Variants in TRIP12 observed in about 807,000 individuals in gnomAD.
The protein encoded by TRIP12 is E3 ubiquitin-protein ligase TRIP12.
In TRIP12, 25 loss-of-function variants were observed where a neutral mutation model predicts 244.2. That is an observed-to-expected ratio of 0.10 (90% CI 0.07 to 0.14). TRIP12 has a LOEUF of 0.14. Ranked by LOEUF, TRIP12 falls within the 10% of genes least tolerant of loss-of-function variation. TRIP12 has a pLI of 1.00. For missense variants in TRIP12, 1,677 were observed against 2,486.4 expected (o/e 0.67, Z 6.92); for synonymous variants, 905 against 873.1 (o/e 1.04, Z -0.64).
intron 32 of TRIP12, among the ~76,000 whole-genome samples, 186 bp from the exon 33 acceptor site, chr2:229,787,847 G>A (rs1000317581): frequency 3.3e-5 from 5 of 152,178 alleles, no homozygotes; most frequent in Non-Finnish European, 7.3e-5. Context: ...CTGTCGCCCA[G>A]GCTGGAGTGC....
At chr2:229,855,963 G>C (rs957320616) in intron 4 of TRIP12, among the ~76,000 whole-genome samples, 1 of 151,904 alleles carries the variant, frequency 6.6e-6, no homozygotes, top group African/African-American at 2.4e-5. Context: ...GCCCGAACCT[G>C]GGAGGTAGAG....
chr2:229,874,964 C>T (rs1431088435), intron 2 of TRIP12, among the ~76,000 whole-genome samples: 1 of 152,110 alleles, frequency 6.6e-6, no homozygotes, highest in Admixed American at 6.5e-5. Context: ...TACTGCATTG[C>T]CAAGAGGGAG....
At chr2:229,894,800 T>C (rs2068335123) in intron 1 of TRIP12, among the ~76,000 whole-genome samples, 1 of 152,180 alleles carries the variant, frequency 6.6e-6, no homozygotes, top group African/African-American at 2.4e-5. Context: ...ATGGATCTTG[T>C]TAAAATTCAC....
chr2:229,908,338 T>C (rs996906669), intron 1 of TRIP12, among the ~76,000 whole-genome samples: 5 of 152,226 alleles, frequency 3.3e-5, no homozygotes, highest in African/African-American at 1.2e-4. Flanking sequence ...TATATACAGA[T>C]GCAAATAATG....
At chr2:229,887,467 T>C (rs1241321681) in intron 1 of TRIP12, among the ~76,000 whole-genome samples, 1 of 152,186 alleles carries the variant, frequency 6.6e-6, no homozygotes, top group African/African-American at 2.4e-5. Context: ...CAAAAAGTTT[T>C]ACATTTAAGA....
At chr2:229,789,573 A>G (rs920120387) in intron 31 of TRIP12, 38 bp downstream of exon 31, 13 of 1,596,786 alleles carry the variant, frequency 8.1e-6, no homozygotes, top group Non-Finnish European at 1.1e-5. Flanking sequence ...TATCAATCAC[A>G]GACCATGAAA....
In TRIP12 at chr2:229,810,962, A is replaced by C. The variant is rs1226668790; in HGVS notation, c.2139T>G (p.Ser713=). 2 of 1,614,158 alleles carry C rather than the reference A, an allele frequency of 1.2e-6. No individual in the cohort carries two copies. Among genetic ancestry groups the C allele is most frequent in the Admixed American group, 3.3e-5 (2 of 60,034 alleles). The part of the protein sequence containing the change: ...LLVVTPPILS[S]GMFIMVVRMF... ...TGCGAACCACCATTATAAACATCCC[A>C]GAACTTAAAATGGGTGGAGTCACTA... is the stretch of plus-strand genomic sequence containing the variant. The change falls in exon 15 of 42, where the codon TCT becomes TCG. Residue 713 remains serine, a synonymous_variant. Transcript: ENST00000675903.
intron 15 of TRIP12, among the ~76,000 whole-genome samples, chr2:229,809,524 G>A (rs1036460887): frequency 6.6e-6 from 1 of 152,160 alleles, no homozygotes; most frequent in African/African-American, 2.4e-5. Context: ...AGTATTTAGG[G>A]ATGTGCTGTA....
intron 4 of TRIP12, among the ~76,000 whole-genome samples, chr2:229,849,906 A>T (rs969076753): frequency 4.0e-5 from 6 of 148,490 alleles, no homozygotes; most frequent in Admixed American, 2.1e-4. Flanking sequence ...TGATAAATAT[A>T]AAGTGAAAAT....
intron 1 of TRIP12, among the ~76,000 whole-genome samples, chr2:229,911,110 C>T (rs2074196446): frequency 2.0e-5 from 3 of 152,152 alleles, no homozygotes; most frequent in African/African-American, 4.8e-5. Context: ...GGCTGTTTTA[C>T]AGAAAAACAG....
chr2:229,788,774 C>A (rs2040706208), intron 32 of TRIP12, 24 bp downstream of exon 32: 1 of 1,603,434 alleles, frequency 6.2e-7, no homozygotes, highest in Non-Finnish European at 8.5e-7. Context: ...TCCAAGGCCA[C>A]CATTACAGAA....
rs148423740 is a variant in TRIP12 at position 229,799,169 on chromosome 2, T to C, written c.3307+114A>G. 45 of 1,524,476 alleles carry C rather than the reference T, an allele frequency of 3.0e-5. No homozygotes were observed. In the African/African-American group the frequency reaches 4.8e-4, roughly 16 times the overall value. The allele number at this position is 1,524,476 out of a possible 1,614,324, so 94.4% of individuals were successfully genotyped here. A position where few individuals can be genotyped will look rare whatever the true frequency, so the allele number is the denominator to read the frequency against. ...AACTGAAAGAACTAAGAACACTTAG[T>C]CCTCAGGAAACTTAGGCATACTTCA... On this transcript the variant is annotated intron_variant, in intron 22 of 41. Coordinates refer to ENST00000675903, the MANE Select transcript of TRIP12 (RefSeq NM_001348323.3).
intron 16 of TRIP12, 40 bp downstream of exon 16, chr2:229,808,212 C>T (rs780722305): frequency 1.2e-5 from 17 of 1,449,954 alleles, no homozygotes; most frequent in Middle Eastern, 1.7e-4. Flanking sequence ...GTGATTCACC[C>T]GCCTTGGCCT....
chr2:229,877,083 T>C (rs910055411), intron 2 of TRIP12, among the ~76,000 whole-genome samples: 36 of 151,094 alleles, frequency 2.4e-4, no homozygotes, highest in African/African-American at 8.7e-4. Context: ...AAAATCACAA[T>C]TACTTTTGCA....
chr2:229,853,124 G>GAATA (rs2154329989), intron 4 of TRIP12, among the ~76,000 whole-genome samples: 1 of 152,130 alleles, frequency 6.6e-6, no homozygotes, highest in East Asian at 1.9e-4. Flanking sequence ...TTATGTCTTA[G>GAATA]AATAAGTCTT....
intron 1 of TRIP12, among the ~76,000 whole-genome samples, chr2:229,885,658 T>G (rs899957042): frequency 4.6e-5 from 7 of 152,206 alleles, no homozygotes; most frequent in Non-Finnish European, 8.8e-5. Context: ...CTTGCCTACC[T>G]AAAAACAGCA....
At chr2:229,873,874 G>A (rs1245157465) in intron 2 of TRIP12, among the ~76,000 whole-genome samples, 1 of 151,980 alleles carries the variant, frequency 6.6e-6, no homozygotes, top group South Asian at 2.1e-4. Context: ...CTGTATACAA[G>A]CATTTCCTCT....
chr2:229,830,219 T>A (rs1341969818), intron 7 of TRIP12, among the ~76,000 whole-genome samples: 1 of 152,176 alleles, frequency 6.6e-6, no homozygotes, highest in Admixed American at 6.5e-5. Flanking sequence ...TGAAACATGA[T>A]CAAGAAGACA....
At chr2:229,912,621 A>C (rs938869015) in intron 1 of TRIP12, among the ~76,000 whole-genome samples, 2 of 152,192 alleles carry the variant, frequency 1.3e-5, no homozygotes, top group Admixed American at 6.5e-5. Flanking sequence ...CTTCCTAAGT[A>C]ACTTCAACCC....
Sources: allele counts gnomAD v4.1 joint callset (sites outside exome capture counted in the v4.1 genomes callset), GRCh38; gene constraint gnomAD v4.1.1; transcripts MANE v1.5; gene names NCBI Gene and HGNC (gene_info 2026-07-23, HGNC 2026-07-21).